Variants in TRAFD1 observed in about 807,000 individuals in gnomAD.
The protein encoded by TRAFD1 is TRAF-type zinc finger domain-containing protein 1.
In TRAFD1, 38 loss-of-function variants were observed where a neutral mutation model predicts 65.3. The ratio of observed to expected loss-of-function variants is 0.58; its 90% CI spans 0.45 to 0.76. TRAFD1 has a LOEUF of 0.76. Among genes scored for constraint, TRAFD1 ranks in the 30% least tolerant of loss-of-function variants. TRAFD1 has a pLI of 0.00. For synonymous variants in TRAFD1, 223 were observed against 257.2 expected, an observed-to-expected ratio of 0.87 and a Z score of 1.27; for missense variants, 631 against 712.6, an observed-to-expected ratio of 0.89 and a Z score of 1.30.
In TRAFD1 at chr12:112,142,116, A is replaced by G. The variant is rs61743643; in HGVS notation, c.671A>G (p.Asn224Ser). ...LFEEQERQER[N>S]RGQQPPKEGG... ...GAAGAACAAGAGAGGCAGGAAAGGA[A>G]TAGAGGCCAACAGCCCCCCAAAGAG... The change falls in exon 6 of 12, where the codon AAT becomes AGT. Residue 224 changes from asparagine (N) to serine (S), a missense_variant. Asn to Ser is a conservative substitution (Grantham distance 46). Coordinates refer to ENST00000412615, the MANE Select transcript of TRAFD1 (RefSeq NM_006700.3). 2,093 of 1,613,858 alleles carry G rather than the reference A, an allele frequency of 1.3e-3. 22 individuals carry two copies. The African/African-American group carries it at 0.022, about 17-fold the overall frequency.
intron 4 of TRAFD1, chr12:112,140,224 G>A (rs1264488370): frequency 9.3e-6 from 2 of 214,220 alleles, no homozygotes; most frequent in Non-Finnish European, 2.0e-5. Flanking sequence ...TTCAAGACCA[G>A]CCTGGCCAAC....
rs983372601 is a variant in TRAFD1 at position 112,136,726 on chromosome 12, C to A, written c.237+1660C>A. Among the ~76,000 whole-genome samples the A allele has an allele frequency of 1.6e-4, 24 of 152,182 alleles. 1 individual carries two copies. The highest frequency in any genetic ancestry group is 1.3e-4 in the Admixed American group (2 of 15,272). ...TGATCTACCTGCATAGGTGGTACTA[C>A]AGGTATAGGCCTCTATGCCTGACTA... is the stretch of plus-strand genomic sequence containing the variant. On this transcript the variant is annotated intron_variant, in intron 4 of 11. Coordinates refer to ENST00000412615, the MANE Select transcript of TRAFD1 (RefSeq NM_006700.3).
chr12:112,131,061 G>C (rs1593863093), intron 2 of TRAFD1, among the ~76,000 whole-genome samples: 1 of 152,044 alleles, frequency 6.6e-6, no homozygotes. Flanking sequence ...GCCTAACTTT[G>C]GCAGAATTAG....
At chr12:112,129,285 T>C (rs974402537) in intron 1 of TRAFD1, among the ~76,000 whole-genome samples, 5 of 151,256 alleles carry the variant, frequency 3.3e-5, no homozygotes, top group African/African-American at 1.2e-4. Context: ...CACTGCAGCT[T>C]TGACCTCCTG....
At chr12:112,151,750 T>C (rs769961701) in intron 9 of TRAFD1, 51 bp from the exon 10 acceptor site, 2 of 1,549,424 alleles carry the variant, frequency 1.3e-6, no homozygotes, top group Non-Finnish European at 1.8e-6. Flanking sequence ...AACCTGGCAC[T>C]ATAGCCAGAG....
In TRAFD1 at chr12:112,142,144, TG is replaced by T; in HGVS notation, c.701del (p.Gly234ValfsTer13). 2 of 1,611,078 alleles carry T rather than the reference TG, an allele frequency of 1.2e-6. No individual in the cohort carries two copies. Among genetic ancestry groups the T allele is most frequent in the Non-Finnish European group, 1.7e-6 (2 of 1,179,174 alleles). On this transcript the variant is annotated frameshift_variant, in exon 6 of 12. Transcript: ENST00000412615. LOFTEE classifies it high-confidence loss of function. ...NRGQQPPKEGGEESANLDFML... is the reference protein window; with the variant it reads ...NRGQQPPKEGXEESANLDFML... The stretch of plus-strand genomic sequence containing the variant: ...GAGGCCAACAGCCCCCCAAAGAGGG[TG>T]GTGAAGAGAGTGCAAACTTGGACTT...
At chr12:112,146,039 G>A (rs2030233057) in intron 7 of TRAFD1, among the ~76,000 whole-genome samples, 1 of 135,146 alleles carries the variant, frequency 7.4e-6, no homozygotes, top group Admixed American at 7.5e-5. Context: ...GGAGGGGGGA[G>A]GGATAGCATT....
At chr12:112,151,016 G>A (rs2030389156) in intron 9 of TRAFD1, among the ~76,000 whole-genome samples, 1 of 152,006 alleles carries the variant, frequency 6.6e-6, no homozygotes, top group Non-Finnish European at 1.5e-5. Flanking sequence ...GAGGTGGGCG[G>A]ATCACAAGGT....
At position 112,152,208 on chromosome 12, in the gene TRAFD1, A is replaced by G; in HGVS notation, c.1619+68A>G. On this transcript the variant is annotated intron_variant, in intron 10 of 11. Coordinates refer to ENST00000412615, the MANE Select transcript of TRAFD1 (RefSeq NM_006700.3). This position sits in a 1 kb window ranked among gnomAD's most constrained non-coding sequence, Gnocchi z 5.0. ...AGCGAACATGGGCAAAGGCCTGGTT[A>G]CCCTTGCCAGGCCTGGGGTAAGACT... 1 of 1,532,706 alleles carries G rather than the reference A, an allele frequency of 6.5e-7. No individual in the cohort carries two copies. The allele number at this position is 1,532,706 out of a possible 1,614,324, so 94.9% of individuals were successfully genotyped here. A position where few individuals can be genotyped will look rare whatever the true frequency, so the allele number is the denominator to read the frequency against.
chr12:112,147,694 C>T (rs773957592), intron 7 of TRAFD1, among the ~76,000 whole-genome samples: 21 of 145,264 alleles, frequency 1.4e-4, no homozygotes, highest in Non-Finnish European at 2.4e-4. Flanking sequence ...TTTTTTGAGA[C>T]GGAGTCTCGC....
chr12:112,152,751 A>C lies in TRAFD1; in HGVS notation c.1709A>C (p.Gln570Pro). The change falls in exon 12 of 12, where the codon CAA (glutamine) becomes CCA (proline). Residue 570 changes from glutamine to proline, a missense_variant. Gln to Pro is a moderately conservative substitution (Grantham distance 76). Coordinates refer to ENST00000412615, the MANE Select transcript of TRAFD1 (RefSeq NM_006700.3). This position sits in a 1 kb window ranked among gnomAD's most constrained non-coding sequence, Gnocchi z 5.0. ...GTTCACCAGGCAAAGCCTTCCAAGC[A>C]ACAGGGAGCTGGGGATGCAGAAGAG... The part of the protein sequence containing the change: ...SRTAKAKPSK[Q>P]QGAGDAEEEE... 2 of 1,614,230 alleles carry C rather than the reference A, an allele frequency of 1.2e-6. No homozygotes were observed. Among genetic ancestry groups the C allele is most frequent in the Non-Finnish European group, 1.7e-6 (2 of 1,180,046 alleles).
At chr12:112,151,728 G>T in intron 9 of TRAFD1, 73 bp from the exon 10 acceptor site, 4 of 1,430,382 alleles carry the variant, frequency 2.8e-6, no homozygotes, top group Admixed American at 2.2e-5. Context: ...GAATCTTTTT[G>T]TTCCTGCCCT....
At position 112,140,195 on chromosome 12, in the gene TRAFD1, C is replaced by T. The variant is rs778005524; in HGVS notation, c.238-624C>T. 117 of 267,818 alleles carry T rather than the reference C, an allele frequency of 4.4e-4. 4 individuals carry two copies. The highest frequency in any genetic ancestry group is 3.4e-3 in the South Asian group (111 of 32,200). 16.6% of individuals were successfully genotyped at this position (267,818 alleles called of 1,614,324 possible). A position where few individuals can be genotyped will look rare whatever the true frequency, so the allele number is the denominator to read the frequency against. On this transcript the variant is annotated intron_variant, in intron 4 of 11. Coordinates refer to ENST00000412615, the MANE Select transcript of TRAFD1 (RefSeq NM_006700.3). ...CAGCACTTTGGGAGGCTGAGGCGGG[C>T]GGATCACAAGGTCAGAAGTTCAAGA...
rs777245645 is a variant in TRAFD1 at position 112,141,168 on chromosome 12, A to G, written c.587A>G (p.Asn196Ser). 2.5e-6 allele frequency: 4 copies of G among 1,614,188 alleles called. No individual in the cohort carries two copies. The highest frequency in any genetic ancestry group is 3.3e-5 in the Admixed American group (2 of 60,016). ...LRAFESDVFH[N>S]RTTNQRNITA... ...GCCTTTGAATCAGATGTTTTCCACA[A>G]TAGAACTACCAACCAAAGGAACATT... Residue 196 changes from asparagine to serine, a missense_variant, in exon 5 of 12, where the codon AAT becomes AGT. Transcript: ENST00000412615.
intron 4 of TRAFD1, among the ~76,000 whole-genome samples, chr12:112,139,760 A>G (rs924446830): frequency 2.0e-5 from 3 of 152,186 alleles, no homozygotes; most frequent in Admixed American, 6.5e-5. Flanking sequence ...CGGATTTGCT[A>G]GGAGTAGTGG....
intron 6 of TRAFD1, among the ~76,000 whole-genome samples, chr12:112,144,020 C>T (rs1162128967): frequency 1.3e-5 from 2 of 152,056 alleles, no homozygotes; most frequent in African/African-American, 2.4e-5. Flanking sequence ...TTAGCCACTG[C>T]GCCCAGCATA....
At chr12:112,138,220 A>G (rs1451026638) in intron 4 of TRAFD1, among the ~76,000 whole-genome samples, 1 of 152,074 alleles carries the variant, frequency 6.6e-6, no homozygotes, top group Non-Finnish European at 1.5e-5. Context: ...AGCCTAGGCG[A>G]CAAAGTAAGA....
intron 8 of TRAFD1, 32 bp downstream of exon 8, chr12:112,148,336 C>T (rs2030311830): frequency 6.3e-7 from 1 of 1,589,184 alleles, no homozygotes; most frequent in African/African-American, 1.3e-5. Context: ...GTCCATGTGG[C>T]TCTGTGCGTG....
intron 4 of TRAFD1, among the ~76,000 whole-genome samples, chr12:112,138,280 A>G (rs1044965579): frequency 1.3e-5 from 2 of 152,040 alleles, no homozygotes; most frequent in African/African-American, 4.8e-5. Flanking sequence ...GCCAGGCGCA[A>G]TGACTCAGCC....
Sources: gnomAD v4.1 joint callset for allele counts (sites outside exome capture counted in the v4.1 genomes callset) on GRCh38, gnomAD v4.1.1 for gene constraint, Gnocchi (gnomAD v3.1) non-coding constraint, MANE v1.5 for transcripts, NCBI Gene and HGNC (gene_info 2026-07-23, HGNC 2026-07-21) for gene names.